Variants in IP6K1 observed in about 807,000 individuals in gnomAD.
The protein encoded by IP6K1 is inositol hexakisphosphate kinase 1.
Under a neutral mutation model 38.3 loss-of-function variants are expected in IP6K1, and 13 were observed. The ratio of observed to expected loss-of-function variants is 0.34; its 90% CI spans 0.22 to 0.54. IP6K1 has a LOEUF of 0.54. Among genes scored for constraint, IP6K1 ranks in the 20% least tolerant of loss-of-function variants. The pLI is 0.92. For missense variants in IP6K1, 397 were observed against 599.8 expected, an observed-to-expected ratio of 0.66 and a Z score of 3.53; for synonymous variants, 212 against 229.9, an observed-to-expected ratio of 0.92 and a Z score of 0.70.
chr3:49,762,436 C>T (rs543165877), intron 1 of IP6K1, among the ~76,000 whole-genome samples: 19 of 152,094 alleles, frequency 1.2e-4, no homozygotes, highest in African/African-American at 3.9e-4. Context: ...AGCTACTTGC[C>T]CTACTTGGGA....
intron 3 of IP6K1, among the ~76,000 whole-genome samples, chr3:49,736,770 A>AT (rs71080546): frequency 1.3e-3 from 139 of 108,748 alleles, no homozygotes; most frequent in African/African-American, 2.8e-3. Context: ...TTTGGATTTA[A>AT]TTTTTTTTTT....
chr3:49,775,549 A>G, intron 1 of IP6K1: 1 of 1,022,754 alleles, frequency 9.8e-7, no homozygotes, highest in Non-Finnish European at 1.4e-6. Flanking sequence ...AAGATTGTCA[A>G]TTTGGGGAGC....
In IP6K1 at chr3:49,778,281, C is replaced by T. The variant is rs369067513; in HGVS notation, c.-129+8073G>A. On this transcript the variant is annotated intron_variant, in intron 1 of 5. Transcript: ENST00000321599. Reference sequence around the variant, plus strand: ...TGGAGGTTGCAGTGAACTGAGATCGCGCCACTGCACTCCAGCCTGGGCAAC... The same window carrying T: ...TGGAGGTTGCAGTGAACTGAGATCGTGCCACTGCACTCCAGCCTGGGCAAC... Among the ~76,000 whole-genome samples the T allele has an allele frequency of 2.5e-4, 37 of 148,724 alleles. No individual in the cohort carries two copies. The South Asian group carries it at 3.4e-3, about 14-fold the overall frequency.
At chr3:49,784,643 T>C (rs1457272587) in intron 1 of IP6K1, among the ~76,000 whole-genome samples, 2 of 116,234 alleles carry the variant, frequency 1.7e-5, no homozygotes, top group Non-Finnish European at 3.6e-5. Flanking sequence ...AGACTTCGTC[T>C]CAGAAAAAAA....
chr3:49,742,508 C>T lies in IP6K1; in HGVS notation c.224-4086G>A, dbSNP rs188293903. 2.7e-3 allele frequency among the ~76,000 whole-genome samples: 416 copies of T among 152,082 alleles called. 3 individuals carry two copies. The highest frequency in any genetic ancestry group is 9.3e-3 in the African/African-American group (386 of 41,488). ...AGCTTGCAGTGAGCCAAGATCGCGC[C>T]ACTGCACTCCAGCCTGGGCAACAGA... is the stretch of plus-strand genomic sequence containing the variant. On this transcript the variant is annotated intron_variant, in intron 2 of 5. Coordinates refer to ENST00000321599, the MANE Select transcript of IP6K1 (RefSeq NM_153273.4).
At position 49,777,892 on chromosome 3, in the gene IP6K1, C is replaced by T. The variant is rs1018614630; in HGVS notation, c.-129+8462G>A. Among the ~76,000 whole-genome samples, 9 of 150,504 alleles carry T rather than the reference C, an allele frequency of 6.0e-5. No homozygotes were observed. In the East Asian group the frequency reaches 1.2e-3, roughly 20 times the overall value. The stretch of plus-strand genomic sequence containing the variant: ...ATCGCGCCACGCACTCCAGCCTGGG[C>T]GACAGAGCGAGACTCTGTGGCAAAC... On this transcript the variant is annotated intron_variant, in intron 1 of 5. Transcript: ENST00000321599.
chr3:49,752,013 G>T (rs1559708661), intron 1 of IP6K1, among the ~76,000 whole-genome samples: 3 of 151,978 alleles, frequency 2.0e-5, no homozygotes. Context: ...ATTTTTTGTT[G>T]TTGTTTTCCT....
chr3:49,741,046 T>C (rs926468018), intron 2 of IP6K1, among the ~76,000 whole-genome samples: 7 of 152,074 alleles, frequency 4.6e-5, no homozygotes, highest in African/African-American at 1.7e-4. Flanking sequence ...GACAGGGTTT[T>C]GCCATGTTAG....
chr3:49,740,202 T>G (rs552408385), intron 2 of IP6K1, among the ~76,000 whole-genome samples: 1 of 148,466 alleles, frequency 6.7e-6, no homozygotes, highest in East Asian at 2.0e-4. Context: ...AATAGATCGA[T>G]CGATAGAAAC....
chr3:49,754,795 G>C (rs2080808425), intron 1 of IP6K1, among the ~76,000 whole-genome samples: 1 of 152,010 alleles, frequency 6.6e-6, no homozygotes, highest in African/African-American at 2.4e-5. Flanking sequence ...TCTTTAGTTG[G>C]GCAGGCACAG....
chr3:49,773,187 G>C (rs2080974209), intron 1 of IP6K1, among the ~76,000 whole-genome samples: 1 of 152,154 alleles, frequency 6.6e-6, no homozygotes, highest in Admixed American at 6.6e-5. Context: ...AAACAGTCAA[G>C]TTAATATGCT....
intron 1 of IP6K1, among the ~76,000 whole-genome samples, chr3:49,763,898 T>C (rs886928849): frequency 1.3e-5 from 2 of 152,064 alleles, no homozygotes. Context: ...GGCGGGCACC[T>C]GTAATCCCAG....
intron 1 of IP6K1, among the ~76,000 whole-genome samples, chr3:49,770,688 C>T (rs144170272): frequency 4.6e-5 from 7 of 152,260 alleles, no homozygotes; most frequent in African/African-American, 1.4e-4. Context: ...GACTTCAAGC[C>T]TTGCTAGAAA....
chr3:49,730,075 G>A (rs2080549945), intron 4 of IP6K1, among the ~76,000 whole-genome samples: 5 of 151,964 alleles, frequency 3.3e-5, no homozygotes, highest in Admixed American at 3.3e-4. Flanking sequence ...TGTATTTTGA[G>A]TAGAGCAGGG....
chr3:49,741,552 A>G (rs1362177854), intron 2 of IP6K1, among the ~76,000 whole-genome samples: 2 of 152,214 alleles, frequency 1.3e-5, no homozygotes, highest in Non-Finnish European at 2.9e-5. Flanking sequence ...CTAAATTTGG[A>G]AAAATAAATA....
Position 49,747,986 on chromosome 3 carries a change from C to A in IP6K1, c.55G>T (p.Ala19Ser), listed in dbSNP as rs779393912. 1.2e-6 allele frequency: 2 copies of A among 1,614,022 alleles called. No homozygotes were observed. Among genetic ancestry groups the A allele is most frequent in the East Asian group, 4.5e-5 (2 of 44,882 alleles). Residue 19 changes from alanine to serine, a missense_variant, in exon 2 of 6, where the codon GCT becomes TCT. Physicochemically the swap from Ala to Ser is moderately conservative, Grantham distance 99 (BLOSUM62 1). Transcript: ENST00000321599. ...TCCAGGAGGACTCCCCGGTCTCCAG[C>A]CCGACTTGCATTCTTGCCATACTGC... is the stretch of plus-strand genomic sequence containing the variant. Reference protein sequence around the residue: ...VGQYGKNASRAGDRGVLLEPF... With the variant: ...VGQYGKNASRSGDRGVLLEPF...
At chr3:49,744,401 C>T in intron 2 of IP6K1, among the ~76,000 whole-genome samples, 3 of 76,204 alleles carry the variant, frequency 3.9e-5, no homozygotes, top group East Asian at 8.3e-4. Flanking sequence ...GACTCCGTCT[C>T]AAAAAAAAAA....
chr3:49,752,785 A>C, intron 1 of IP6K1, among the ~76,000 whole-genome samples: 2 of 139,960 alleles, frequency 1.4e-5, no homozygotes, highest in Admixed American at 7.5e-5. Flanking sequence ...ACAGAGTCTC[A>C]CTTCGTCACC....
chr3:49,764,164 T>C (rs761159219), intron 1 of IP6K1, among the ~76,000 whole-genome samples: 1 of 151,908 alleles, frequency 6.6e-6, no homozygotes, highest in Non-Finnish European at 1.5e-5. Flanking sequence ...AGAGGATCAC[T>C]TGAGCCCAGG....
Sources: allele counts gnomAD v4.1 joint callset (sites outside exome capture counted in the v4.1 genomes callset), GRCh38; gene constraint gnomAD v4.1.1; transcripts MANE v1.5; gene names NCBI Gene and HGNC (gene_info 2026-07-23, HGNC 2026-07-21).